SPATA9: variants seen among roughly 807,000 people sequenced by gnomAD.
The protein encoded by SPATA9 is spermatogenesis-associated protein 9.
A neutral mutation model predicts 25.5 loss-of-function variants in SPATA9; 27 were observed. The ratio of observed to expected loss-of-function variants is 1.06; its 90% CI spans 0.78 to 1.46. The LOEUF (loss-of-function observed/expected upper bound fraction) is 1.46, where lower values mean the gene tolerates loss of function less well. SPATA9 is among the 40% of genes most tolerant of loss of function. The pLI is 0.00. For synonymous variants in SPATA9, 102 were observed against 105.7 expected (o/e 0.97, Z 0.21); for missense variants, 282 against 297.5 (o/e 0.95, Z 0.38).
intron 3 of SPATA9, among the ~76,000 whole-genome samples, chr5:95,666,750 T>C (rs1207083766): frequency 6.6e-6 from 1 of 152,174 alleles, no homozygotes; most frequent in Non-Finnish European, 1.5e-5. Flanking sequence ...ATGAGATTTC[T>C]TGAGTGCTGC....
chr5:95,707,377 G>T, the SPATA9 span, among the ~76,000 whole-genome samples: 4 of 152,036 alleles, frequency 2.6e-5, no homozygotes, highest in Non-Finnish European at 4.4e-5. Context: ...ACACTGAGAC[G>T]AATTAAGAGT....
At chr5:95,704,391 G>C in the SPATA9 span, among the ~76,000 whole-genome samples, 12 of 152,126 alleles carry the variant, frequency 7.9e-5, no homozygotes, top group Non-Finnish European at 1.2e-4. Flanking sequence ...AGTCTAAGGA[G>C]ATGGCAAATC....
In SPATA9 at chr5:95,664,994, ATAGT is replaced by A. The variant is rs554316668; in HGVS notation, c.379-950_379-947del. Among the ~76,000 whole-genome samples, 621 of 152,378 alleles carry A rather than the reference ATAGT, an allele frequency of 4.1e-3. 7 individuals are homozygous for A. The highest frequency in any genetic ancestry group is 9.3e-3 in the South Asian group (45 of 4,830). Reference sequence around the variant, plus strand: ...AAAAAACTAAAACAATGATTCCAGAATAGTTAGGAAAATTATGTTATATCCACTC... The same window carrying A: ...AAAAAACTAAAACAATGATTCCAGAATAGGAAAATTATGTTATATCCACTC... On this transcript the variant is annotated intron_variant, in intron 3 of 4. Coordinates refer to ENST00000274432, the MANE Select transcript of SPATA9 (RefSeq NM_031952.4).
At chr5:95,670,782 C>G (rs1752301254) in intron 3 of SPATA9, 1 of 923,326 alleles carries the variant, frequency 1.1e-6, no homozygotes, top group Non-Finnish European at 1.3e-6. Context: ...ACTCCATTTA[C>G]AGACCAATCC....
chr5:95,705,539 T>G, the SPATA9 span, among the ~76,000 whole-genome samples: 1 of 152,200 alleles, frequency 6.6e-6, no homozygotes, highest in Non-Finnish European at 1.5e-5. Flanking sequence ...TGATTAAAAT[T>G]TTTCTTTAAA....
At chr5:95,675,133 G>C (rs917925699) in intron 3 of SPATA9, among the ~76,000 whole-genome samples, 1 of 152,198 alleles carries the variant, frequency 6.6e-6, no homozygotes, top group African/African-American at 2.4e-5. Context: ...AAGGCTAGTT[G>C]TAAGATTTCT....
chr5:95,660,653 TG>T (rs1370850216), intron 4 of SPATA9, among the ~76,000 whole-genome samples: 1 of 152,150 alleles, frequency 6.6e-6, no homozygotes, highest in East Asian at 1.9e-4. Flanking sequence ...CAAAAAAGGT[TG>T]GAAAGTTCTA....
intron 1 of SPATA9, among the ~76,000 whole-genome samples, chr5:95,696,937 T>C (rs1364616302): frequency 6.6e-6 from 1 of 152,214 alleles, no homozygotes; most frequent in African/African-American, 2.4e-5. Flanking sequence ...ACTTTTTATG[T>C]TCTGTTACAT....
At chr5:95,709,521 A>G in the SPATA9 span, among the ~76,000 whole-genome samples, 1 of 152,148 alleles carries the variant, frequency 6.6e-6, no homozygotes, top group African/African-American at 2.4e-5. Context: ...AATAGGCACA[A>G]TGGAACTTCC....
downstream of SPATA9, chr5:95,656,466 T>C: frequency 1.7e-6 from 1 of 603,554 alleles, no homozygotes; most frequent in South Asian, 2.1e-5. Context: ...ATACTTAGTA[T>C]GATGTAAGGA....
intron 1 of SPATA9, among the ~76,000 whole-genome samples, chr5:95,696,644 A>C (rs952127042): frequency 2.6e-5 from 4 of 152,308 alleles, no homozygotes; most frequent in Middle Eastern, 3.4e-3. Context: ...TGGGAGCTCG[A>C]GGCAAGAGGA....
chr5:95,723,674 G>A, the SPATA9 span, among the ~76,000 whole-genome samples: 29 of 152,058 alleles, frequency 1.9e-4, no homozygotes, highest in African/African-American at 5.6e-4. Context: ...TGATTTCTAG[G>A]CAAGTGAGTC....
upstream of SPATA9, among the ~76,000 whole-genome samples, chr5:95,683,562 G>A (rs949538619): frequency 3.9e-5 from 6 of 152,010 alleles, no homozygotes; most frequent in Non-Finnish European, 8.8e-5. Context: ...TTTTGAGATG[G>A]AGTCTTGCCC....
chr5:95,681,796 T>C (rs1441731319), intron 2 of SPATA9, among the ~76,000 whole-genome samples: 1 of 152,346 alleles, frequency 6.6e-6, no homozygotes, highest in East Asian at 1.9e-4. Context: ...TTTGGTTATA[T>C]ACCTCATGTT....
intron 3 of SPATA9, chr5:95,670,532 T>C (rs909432542): frequency 1.3e-5 from 2 of 152,254 alleles, no homozygotes; most frequent in Non-Finnish European, 2.9e-5. Flanking sequence ...ACTTACCTTC[T>C]TACAGCTAAG....
the SPATA9 span, chr5:95,713,846 A>G: frequency 2.0e-5 from 3 of 152,164 alleles, no homozygotes; most frequent in Admixed American, 2.0e-4. Flanking sequence ...TTCTAAACAG[A>G]AACTCTGAAT....
At chr5:95,731,445 C>T in the SPATA9 span, 5 of 1,206,796 alleles carry the variant, frequency 4.1e-6, no homozygotes, top group Non-Finnish European at 5.1e-6. Flanking sequence ...TGTTCCCGGG[C>T]ACTCCCTGAG....
the SPATA9 span, among the ~76,000 whole-genome samples, chr5:95,724,235 G>A: frequency 6.6e-6 from 1 of 152,186 alleles, no homozygotes; most frequent in Non-Finnish European, 1.5e-5. Context: ...GGAATTTAAT[G>A]AAGAGCTGCT....
chr5:95,713,912 G>T, the SPATA9 span, among the ~76,000 whole-genome samples: 380 of 151,426 alleles, frequency 2.5e-3, 2 homozygotes, highest in African/African-American at 8.9e-3. Flanking sequence ...AAATACACAT[G>T]TGCATATATA....
Sources: gnomAD v4.1 joint callset for allele counts (sites outside exome capture counted in the v4.1 genomes callset) on GRCh38, gnomAD v4.1.1 for gene constraint, MANE v1.5 for transcripts, NCBI Gene and HGNC (gene_info 2026-07-23, HGNC 2026-07-21) for gene names.